The following ZFHX3 variants were observed in gnomAD, a reference collection of about 807,000 sequenced individuals.
ZFHX3 encodes zinc finger homeobox 3.
Under a neutral mutation model 279.1 loss-of-function variants are expected in ZFHX3, and 42 were observed. The observed-to-expected ratio is 0.15, with a 90% confidence interval of 0.12 to 0.19. The LOEUF (loss-of-function observed/expected upper bound fraction) is 0.19, where lower values mean the gene tolerates loss of function less well. ZFHX3 is among the 10% of genes least tolerant of loss of function. The pLI, the probability that ZFHX3 is intolerant of heterozygous loss-of-function variation, is 1.00. For synonymous variants in ZFHX3, 2,293 were observed against 1,957.8 expected, an observed-to-expected ratio of 1.17 and a Z score of -4.52; for missense variants, 4,981 against 4,754.0, an observed-to-expected ratio of 1.05 and a Z score of -1.40.
intron 1 of ZFHX3, among the ~76,000 whole-genome samples, chr16:73,704,967 C>T (rs2053289220): frequency 6.6e-6 from 1 of 152,122 alleles, no homozygotes; most frequent in Non-Finnish European, 1.5e-5. Context: ...TTGCCAATGA[C>T]CATGGTGTAA....
intron 4 of ZFHX3, among the ~76,000 whole-genome samples, chr16:72,876,409 C>T (rs1388715386): frequency 1.3e-5 from 2 of 152,118 alleles, no homozygotes; most frequent in Non-Finnish European, 2.9e-5. Flanking sequence ...AGGAAGCTTG[C>T]AAGATGCTGG....
chr16:72,836,995 A>G (rs1001459221), intron 4 of ZFHX3, among the ~76,000 whole-genome samples: 2 of 152,172 alleles, frequency 1.3e-5, no homozygotes, highest in African/African-American at 4.8e-5. Flanking sequence ...GCGCATGAAT[A>G]AAGCTCGAGA....
chr16:73,726,342 A>G (rs1278632640), intron 1 of ZFHX3, among the ~76,000 whole-genome samples: 1 of 152,172 alleles, frequency 6.6e-6, no homozygotes, highest in Non-Finnish European at 1.5e-5. Context: ...AAAGCACTGC[A>G]TGGAAGTGGT....
intron 8 of ZFHX3, among the ~76,000 whole-genome samples, chr16:73,066,474 C>T (rs1965755131): frequency 6.6e-6 from 1 of 152,182 alleles, no homozygotes; most frequent in Non-Finnish European, 1.5e-5. Context: ...AGCCTCGGGC[C>T]CTCCGGCTCC....
intron 2 of ZFHX3, among the ~76,000 whole-genome samples, chr16:73,478,339 C>G (rs982343022): frequency 6.6e-6 from 1 of 151,930 alleles, no homozygotes; most frequent in Non-Finnish European, 1.5e-5. Flanking sequence ...GACTTGAACC[C>G]TGGACCCTCA....
intron 1 of ZFHX3, among the ~76,000 whole-genome samples, chr16:72,983,753 C>G (rs1393477073): frequency 6.6e-6 from 1 of 152,172 alleles, no homozygotes; most frequent in South Asian, 2.1e-4. Flanking sequence ...TAAGCCATTG[C>G]TCCATGCAAC....
chr16:73,722,826 C>A (rs2639306), intron 1 of ZFHX3, among the ~76,000 whole-genome samples: 138,771 of 152,220 alleles, frequency 0.91, 63,469 homozygotes, highest in Non-Finnish European at 0.95. Flanking sequence ...TTTAGTATCT[C>A]TTTAAATAAT....
At chr16:73,451,045 A>C (rs148762916) in intron 3 of ZFHX3, among the ~76,000 whole-genome samples, 30 of 152,166 alleles carry the variant, frequency 2.0e-4, no homozygotes, top group African/African-American at 7.2e-4. Context: ...CAAACAGTAC[A>C]TGGGTCATGC....
In ZFHX3 at chr16:73,013,280, T is replaced by C. The variant is rs878998244; in HGVS notation, c.-50+34472A>G. On this transcript the variant is annotated intron_variant, in intron 1 of 9. Transcript: ENST00000268489. ...TTTACAGGGACCCATGTGAAAACTC[T>C]TTATTTTTTTATTATTATTATTTTT... 3.9e-5 allele frequency among the ~76,000 whole-genome samples: 6 copies of C among 152,282 alleles called. 1 individual carries two copies. The highest frequency in any genetic ancestry group is 3.3e-4 in the Admixed American group (5 of 15,296).
intron 1 of ZFHX3, among the ~76,000 whole-genome samples, chr16:73,888,427 T>G (rs2030420857): frequency 6.6e-6 from 1 of 152,104 alleles, no homozygotes; most frequent in Non-Finnish European, 1.5e-5. Context: ...TTGTAAAGAT[T>G]AAAAAAATAG....
chr16:73,065,602 T>C (rs898336787), intron 8 of ZFHX3, among the ~76,000 whole-genome samples: 2 of 146,648 alleles, frequency 1.4e-5, no homozygotes, highest in South Asian at 2.2e-4. Flanking sequence ...TGTGTGTGTG[T>C]GTGTGCGTGT....
chr16:73,099,535 AC>A (rs949261065), intron 7 of ZFHX3, among the ~76,000 whole-genome samples: 43 of 151,896 alleles, frequency 2.8e-4, no homozygotes, highest in Middle Eastern at 3.4e-3. Flanking sequence ...ACATGGTGAA[AC>A]CCTGTCTTTA....
At chr16:73,286,701 G>A (rs1399577511) in intron 4 of ZFHX3, among the ~76,000 whole-genome samples, 6 of 151,568 alleles carry the variant, frequency 4.0e-5, no homozygotes, top group Non-Finnish European at 7.4e-5. Flanking sequence ...GAGTGTGAGT[G>A]TGTGGGTGTG....
chr16:73,180,737 A>G (rs1284620778), intron 5 of ZFHX3, among the ~76,000 whole-genome samples: 3 of 151,336 alleles, frequency 2.0e-5, no homozygotes, highest in African/African-American at 7.3e-5. Context: ...ATCTCAGCTC[A>G]CTGCAACCTC....
chr16:73,806,203 A>G (rs994670636), intron 1 of ZFHX3, among the ~76,000 whole-genome samples: 1 of 152,198 alleles, frequency 6.6e-6, no homozygotes, highest in African/African-American at 2.4e-5. Context: ...CGCCCTTGAC[A>G]CGTGGGGATT....
At chr16:73,186,848 G>A (rs1967922078) in intron 5 of ZFHX3, among the ~76,000 whole-genome samples, 1 of 152,138 alleles carries the variant, frequency 6.6e-6, no homozygotes, top group Non-Finnish European at 1.5e-5. Context: ...GTTTCCATCT[G>A]TAGCACTCCA....
intron 2 of ZFHX3, among the ~76,000 whole-genome samples, chr16:73,622,121 G>T (rs1350948710): frequency 6.6e-6 from 1 of 152,128 alleles, no homozygotes; most frequent in Non-Finnish European, 1.5e-5. Context: ...TGTAACTTTT[G>T]TTCTATGACA....
chr16:73,570,883 T>C (rs2051727561), intron 2 of ZFHX3, among the ~76,000 whole-genome samples: 3 of 151,076 alleles, frequency 2.0e-5, no homozygotes, highest in South Asian at 4.2e-4. Context: ...AAAGTTTAAT[T>C]CCCTGACAAG....
chr16:73,865,117 T>C (rs538548134), intron 1 of ZFHX3, among the ~76,000 whole-genome samples: 32 of 152,214 alleles, frequency 2.1e-4, no homozygotes, highest in Non-Finnish European at 4.7e-4. Context: ...CTGTCACAGC[T>C]GAGGTCCCAG....
Sources: allele counts gnomAD v4.1 joint callset (sites outside exome capture counted in the v4.1 genomes callset), GRCh38; gene constraint gnomAD v4.1.1; transcripts MANE v1.5; gene names NCBI Gene and HGNC (gene_info 2026-07-23, HGNC 2026-07-21).